The following FAM3A variants were observed in gnomAD, a reference collection of about 807,000 sequenced individuals.
FAM3A encodes protein FAM3A.
FAM3A carries 5 observed loss-of-function variants against 18.1 expected under a neutral mutation model. The ratio of observed to expected loss-of-function variants is 0.28; its 90% CI spans 0.14 to 0.58. The LOEUF (loss-of-function observed/expected upper bound fraction) is 0.58, where lower values mean the gene tolerates loss of function less well. FAM3A is among the 20% of genes least tolerant of loss of function. FAM3A has a pLI of 0.91. For synonymous variants in FAM3A, 108 were observed against 90.2 expected (o/e 1.20, Z -1.12); for missense variants, 154 against 216.6 (o/e 0.71, Z 1.81).
Position 154,507,424 on chromosome X carries a change from T to C in FAM3A, c.452A>G (p.Tyr151Cys). The change falls in exon 7 of 9, where the codon TAC (tyrosine) becomes TGC (cysteine). Residue 151 changes from tyrosine to cysteine, a missense_variant. By Grantham distance (194) the Tyr-to-Cys change is radical. This residue lies in a region of FAM3A where 112 missense variants were observed against 160.0 expected (regional missense o/e 0.70). Transcript: ENST00000447601. ...HEGTLVFVAS[Y>C]DDPATKMNEE... Reference sequence around the variant, plus strand: ...CACCTACTTGGTGGCTGGGTCGTCGTAGGATGCCACGAACACCAGGGTGCC... The same window carrying C: ...CACCTACTTGGTGGCTGGGTCGTCGCAGGATGCCACGAACACCAGGGTGCC... The C allele has an allele frequency of 8.3e-7, 1 of 1,211,256 alleles. No individual in the cohort carries two copies. Among genetic ancestry groups the C allele is most frequent in the Non-Finnish European group, 1.1e-6 (1 of 895,368 alleles).
chrX:154,514,430 G>A (rs1222381142), intron 1 of FAM3A, among the ~76,000 whole-genome samples: 24 of 105,530 alleles, frequency 2.3e-4, no homozygotes, highest in African/African-American at 8.4e-4. Context: ...TTGAGACAGA[G>A]TCTTGCTCTG....
Position 154,508,537 on chromosome X carries a change from G to A in FAM3A, c.212C>T (p.Ala71Val). ...LPQPCPEEHL[A>V]FRVVSGAANV... ...GGCGGCCCCGCTGACCACGCGGAAG[G>A]CCAGGTGCTCCTCAGGACACGGCTG... Residue 71 changes from alanine to valine, a missense_variant, in exon 4 of 9, where the codon GCC (alanine) becomes GTC (valine). By Grantham distance (64) the Ala-to-Val change is moderately conservative (BLOSUM62 0). Transcript: ENST00000447601. The A allele has an allele frequency of 8.3e-7, 1 of 1,205,386 alleles. No homozygotes were observed. The highest frequency in any genetic ancestry group is 3.0e-5 in the East Asian group (1 of 33,673).
In FAM3A at chrX:154,511,921, G is replaced by A. The variant is rs200583876; in HGVS notation, c.128-50C>T. 1.3e-4 allele frequency: 146 copies of A among 1,139,796 alleles called. 1 individual carries two copies. The East Asian group carries it at 4.0e-3, about 31-fold the overall frequency. The allele number at this position is 1,139,796 out of a possible 1,213,427, so 93.9% of individuals were successfully genotyped here. A position where few individuals can be genotyped will look rare whatever the true frequency, so the allele number is the denominator to read the frequency against. On this transcript the variant is annotated intron_variant, in intron 2 of 8. Coordinates refer to ENST00000447601, the MANE Select transcript of FAM3A (RefSeq NM_021806.4). ...TAGTGTGGAGCCTCCCGGGGCCTGCGGCAGGGCAGCCTGGCCCTCCTTACA... is the reference window on the plus strand; with the variant it reads ...TAGTGTGGAGCCTCCCGGGGCCTGCAGCAGGGCAGCCTGGCCCTCCTTACA...
Position 154,515,996 on chromosome X carries a change from T to A in FAM3A, c.-224A>T. 1 of 433,172 alleles carries A rather than the reference T, an allele frequency of 2.3e-6. No individual in the cohort carries two copies. Among genetic ancestry groups the A allele is most frequent in the Non-Finnish European group, 4.0e-6 (1 of 247,824 alleles). The allele number at this position is 433,172 out of a possible 1,213,427, so 35.7% of individuals were successfully genotyped here. A position where few individuals can be genotyped will look rare whatever the true frequency, so the allele number is the denominator to read the frequency against. ...GGCCAGGAGGGGCCTCAGGAACCCG[T>A]TGGCTCACGATCTTGCCCACAGGAG... On this transcript the variant is annotated 5_prime_UTR_variant, in exon 1 of 9. Coordinates refer to ENST00000447601, the MANE Select transcript of FAM3A (RefSeq NM_021806.4).
chrX:154,512,768 C>T (rs2069962996), intron 2 of FAM3A, 55 bp downstream of exon 2: 8 of 917,667 alleles, frequency 8.7e-6, no homozygotes, highest in Non-Finnish European at 7.9e-6. Context: ...ACCACAGGCC[C>T]AGGTGGCCAC....
At position 154,516,150 on chromosome X, in the gene FAM3A, T is replaced by G. The variant is rs2070181081; in HGVS notation, c.-378A>C. Reference sequence around the variant, plus strand: ...GGAGACGTGGGCTCGGTCAGGGAGGTTCCCTGTCAGGCCCGCCGACCCGCT... The same window carrying G: ...GGAGACGTGGGCTCGGTCAGGGAGGGTCCCTGTCAGGCCCGCCGACCCGCT... On this transcript the variant is annotated 5_prime_UTR_variant, in exon 1 of 9. Coordinates refer to ENST00000447601, the MANE Select transcript of FAM3A (RefSeq NM_021806.4). The G allele has an allele frequency of 6.3e-5, 9 of 143,926 alleles. No homozygotes were observed. Among genetic ancestry groups the G allele is most frequent in the East Asian group, 3.1e-4 (2 of 6,484 alleles). The allele number at this position is 143,926 out of a possible 1,213,427, so 11.9% of individuals were successfully genotyped here.
Position 154,512,820 on chromosome X carries a change from C to T in FAM3A, c.127+3G>A. On this transcript the variant is annotated splice_donor_region_variant and intron_variant, in intron 2 of 8. Coordinates refer to ENST00000447601, the MANE Select transcript of FAM3A (RefSeq NM_021806.4). ...GAAGGATAAGGCGGGGTCCCACACT[C>T]ACTGGTGAAGAGTTGCTGGATGCGA... 3 of 1,193,895 alleles carry T rather than the reference C, an allele frequency of 2.5e-6. No homozygotes were observed. The highest frequency in any genetic ancestry group is 4.6e-4 in the Middle Eastern group (2 of 4,308).
At position 154,506,758 on chromosome X, in the gene FAM3A, C is replaced by A. The variant is rs187804324; in HGVS notation, c.*53G>T. On this transcript the variant is annotated 3_prime_UTR_variant, in exon 9 of 9. Transcript: ENST00000447601. Reference sequence around the variant, plus strand: ...CTCAGCCTCTGTCCGCCCGGCAGCGCGCGTGCCTCCCTTGGTCTGGCCTCC... The same window carrying A: ...CTCAGCCTCTGTCCGCCCGGCAGCGAGCGTGCCTCCCTTGGTCTGGCCTCC... 9.6e-7 allele frequency: 1 copy of A among 1,041,955 alleles called. No individual in the cohort carries two copies. Among genetic ancestry groups the A allele is most frequent in the South Asian group, 1.9e-5 (1 of 52,287 alleles). 85.9% of individuals were successfully genotyped at this position (1,041,955 alleles called of 1,213,427 possible). A position where few individuals can be genotyped will look rare whatever the true frequency, so the allele number is the denominator to read the frequency against.
intron 3 of FAM3A, chrX:154,511,514 C>G (rs781844519): frequency 4.3e-6 from 1 of 230,784 alleles, no homozygotes; most frequent in African/African-American, 2.8e-5. Context: ...AAGAAAGAAT[C>G]TCAGGCCACA....
intron 3 of FAM3A, 148 bp from the exon 4 acceptor site, chrX:154,508,745 G>A (rs1477738982): frequency 4.4e-6 from 3 of 680,960 alleles, no homozygotes; most frequent in Admixed American, 2.6e-5. Context: ...CGAGGCTGGG[G>A]ACACTTCCAT....
chrX:154,515,439 C>T (rs1190622753), intron 1 of FAM3A, among the ~76,000 whole-genome samples: 1 of 111,740 alleles, frequency 8.9e-6, no homozygotes, highest in Non-Finnish European at 1.9e-5. Flanking sequence ...TTTGTCACTT[C>T]CCCTCTAAGA....
At chrX:154,515,715 G>T (rs2070159872) in intron 1 of FAM3A, 45 bp downstream of exon 1, 2 of 1,197,850 alleles carry the variant, frequency 1.7e-6, no homozygotes, top group East Asian at 5.9e-5. Flanking sequence ...CCTCCAGCCA[G>T]GTGCCCTTTT....
intron 8 of FAM3A, 26 bp downstream of exon 8, chrX:154,507,177 G>A (rs1557219079): frequency 8.4e-7 from 1 of 1,184,102 alleles, no homozygotes; most frequent in Admixed American, 2.4e-5. Context: ...TGCCCCGGTG[G>A]GGGTGATGCC....
intron 1 of FAM3A, among the ~76,000 whole-genome samples, chrX:154,515,360 G>A (rs990583383): frequency 2.7e-5 from 3 of 111,050 alleles, no homozygotes; most frequent in Non-Finnish European, 5.7e-5. Flanking sequence ...CCTCCCCAAG[G>A]ATCTTCATCT....
intron 5 of FAM3A, 135 bp downstream of exon 5, chrX:154,508,154 C>T (rs922274302): frequency 3.4e-5 from 17 of 493,471 alleles, no homozygotes; most frequent in South Asian, 3.1e-4. Flanking sequence ...TGGAGCCTTG[C>T]GCTTGCACAG....
chrX:154,514,625 T>C lies in FAM3A; in HGVS notation c.13+1135A>G, dbSNP rs1222313085. Among the ~76,000 whole-genome samples, 29 of 111,042 alleles carry C rather than the reference T, an allele frequency of 2.6e-4. No individual in the cohort carries two copies. The Middle Eastern group carries it at 0.015, about 56-fold the overall frequency. On this transcript the variant is annotated intron_variant, in intron 1 of 8. Transcript: ENST00000447601. ...TTCACCATGTTAGCCAGGATGGTCT[T>C]GATCTCCAGACCTCGTGATCCGCCC... is the stretch of plus-strand genomic sequence containing the variant.
chrX:154,509,128 G>T (rs1263421637), intron 3 of FAM3A: 1 of 222,050 alleles, frequency 4.5e-6, no homozygotes, highest in African/African-American at 2.9e-5. Context: ...GTTCAGATGG[G>T]GTCATACTGG....
At chrX:154,507,587 G>T in intron 6 of FAM3A, 97 bp from the exon 7 acceptor site, 1 of 970,760 alleles carries the variant, frequency 1.0e-6, no homozygotes, top group South Asian at 2.1e-5. Context: ...AGTAGGGATT[G>T]GGCCTGGGAC....
chrX:154,507,919 G>C, intron 5 of FAM3A, 58 bp from the exon 6 acceptor site: 1 of 1,059,545 alleles, frequency 9.4e-7, no homozygotes, highest in Non-Finnish European at 1.3e-6. Flanking sequence ...GGGCACGGCA[G>C]GCGGGTAGCA....
Sources: gnomAD v4.1 joint callset for allele counts (sites outside exome capture counted in the v4.1 genomes callset) on GRCh38, gnomAD v4.1.1 for gene constraint, gnomAD v4.1.1 regional missense constraint, MANE v1.5 for transcripts, NCBI Gene and HGNC (gene_info 2026-07-23, HGNC 2026-07-21) for gene names.